Variants in GPR137C observed in about 807,000 individuals in gnomAD.
GPR137C encodes G protein-coupled receptor 137C, also known as integral membrane protein GPR137C.
GPR137C carries 27 observed loss-of-function variants against 43.4 expected under a neutral mutation model. The ratio of observed to expected loss-of-function variants is 0.62; its 90% confidence interval spans 0.46 to 0.86. The LOEUF is 0.86. Among genes scored for constraint, GPR137C ranks in the 40% least tolerant of loss-of-function variants. The pLI is 0.00. For synonymous variants in GPR137C, 285 were observed against 226.9 expected (o/e 1.26, Z -2.30); for missense variants, 522 against 534.6 (o/e 0.98, Z 0.23).
Position 52,633,485 on chromosome 14 carries a change from T to C in GPR137C, c.868-45T>C, listed in dbSNP as rs371645822. 4.3e-5 allele frequency: 68 copies of C among 1,580,510 alleles called. No individual in the cohort carries two copies. The Middle Eastern group carries it at 6.7e-4, about 16-fold the overall frequency. On this transcript the variant is annotated intron_variant, in intron 4 of 6. Coordinates refer to ENST00000321662, the MANE Select transcript of GPR137C (RefSeq NM_001099652.2). ...AGTTAACTGTGGAGGTGATTGCTTA[T>C]ACAATAAACAGATGTAAAAATTCTC...
At chr14:52,554,919 C>CA in intron 1 of GPR137C, among the ~76,000 whole-genome samples, 1 of 152,066 alleles carries the variant, frequency 6.6e-6, no homozygotes. Context: ...CCAAACAATA[C>CA]AATGACAAAA....
At chr14:52,562,929 CCTTT>C (rs1360137755) in intron 1 of GPR137C, among the ~76,000 whole-genome samples, 5 of 152,092 alleles carry the variant, frequency 3.3e-5, no homozygotes, top group African/African-American at 1.2e-4. Context: ...CTACCTAATA[CCTTT>C]CTTCATAATC....
intron 3 of GPR137C, among the ~76,000 whole-genome samples, chr14:52,615,641 T>C (rs992359328): frequency 4.6e-5 from 7 of 152,170 alleles, no homozygotes; most frequent in Non-Finnish European, 8.8e-5. Flanking sequence ...GTTCCTTTAA[T>C]CAGTGCTTTA....
intron 1 of GPR137C, among the ~76,000 whole-genome samples, chr14:52,565,136 C>T (rs547500161): frequency 1.3e-5 from 2 of 152,224 alleles, no homozygotes; most frequent in Non-Finnish European, 2.9e-5. Context: ...CAAGAGAAAT[C>T]ACAAATTTGA....
At chr14:52,623,671 A>ATAATATTTTTTCG in intron 3 of GPR137C, among the ~76,000 whole-genome samples, 1 of 151,924 alleles carries the variant, frequency 6.6e-6, no homozygotes, top group Non-Finnish European at 1.5e-5. Context: ...AAGAGGCTTC[A>ATAATATTTTTTCG]TAATATTTTC....
chr14:52,586,934 AAT>A (rs768301364), intron 1 of GPR137C, among the ~76,000 whole-genome samples: 72 of 152,166 alleles, frequency 4.7e-4, no homozygotes, highest in Non-Finnish European at 9.1e-4. Flanking sequence ...GCCCCACCGT[AAT>A]GCATTTTCTA....
chr14:52,617,770 C>T (rs993088152), intron 3 of GPR137C, among the ~76,000 whole-genome samples: 3 of 152,112 alleles, frequency 2.0e-5, no homozygotes, highest in African/African-American at 7.2e-5. Flanking sequence ...GGCTGTGTGA[C>T]CTTAGTCAAA....
chr14:52,629,803 T>G (rs1397673817), intron 3 of GPR137C, among the ~76,000 whole-genome samples: 1 of 152,214 alleles, frequency 6.6e-6, no homozygotes, highest in Non-Finnish European at 1.5e-5. Context: ...TAGGTTAAGG[T>G]GTCTGCATAT....
Position 52,600,225 on chromosome 14 carries a change from G to C in GPR137C, c.601G>C (p.Val201Leu), listed in dbSNP as rs920655118. The change falls in exon 3 of 7, where the codon GTG (valine) becomes CTG (leucine). Residue 201 changes from valine to leucine, a missense_variant. Physicochemically the swap from Val to Leu is conservative, Grantham distance 32. Coordinates refer to ENST00000321662, the MANE Select transcript of GPR137C (RefSeq NM_001099652.2). ...CCCAGAAAATCAGTTGAAGTGGACT[G>C]TGTTTGTTCGAGCATTAATTAATGA... is the stretch of plus-strand genomic sequence containing the variant. Reference protein sequence around the residue: ...DVPENQLKWTVFVRALINDSL... With the variant: ...DVPENQLKWTLFVRALINDSL... The C allele has an allele frequency of 3.1e-6, 5 of 1,613,464 alleles. No homozygotes were observed. The highest frequency in any genetic ancestry group is 4.2e-6 in the Non-Finnish European group (5 of 1,179,562).
chr14:52,590,471 AGT>A (rs2038768220), intron 1 of GPR137C, among the ~76,000 whole-genome samples: 1 of 152,208 alleles, frequency 6.6e-6, no homozygotes, highest in Non-Finnish European at 1.5e-5. Flanking sequence ...AGTCTACAGT[AGT>A]GTACAGTAAT....
intron 1 of GPR137C, among the ~76,000 whole-genome samples, chr14:52,557,705 C>T (rs1012323736): frequency 6.6e-6 from 1 of 152,134 alleles, no homozygotes; most frequent in African/African-American, 2.4e-5. Context: ...ATTTTCAAAG[C>T]ACTTTGTAAC....
intron 3 of GPR137C, among the ~76,000 whole-genome samples, chr14:52,624,296 T>A (rs915268928): frequency 4.0e-5 from 6 of 151,252 alleles, no homozygotes; most frequent in African/African-American, 1.2e-4. Flanking sequence ...TATCAAAATT[T>A]GTGGAATGCA....
At chr14:52,560,181 A>G (rs2139435159) in intron 1 of GPR137C, among the ~76,000 whole-genome samples, 1 of 152,296 alleles carries the variant, frequency 6.6e-6, no homozygotes, top group South Asian at 2.1e-4. Context: ...TACATGCAAT[A>G]GTGTCAAAAA....
intron 3 of GPR137C, among the ~76,000 whole-genome samples, chr14:52,617,339 GA>G (rs1284480919): frequency 2.0e-5 from 3 of 151,992 alleles, no homozygotes; most frequent in African/African-American, 7.3e-5. Flanking sequence ...ATATCAATTT[GA>G]AATTAATATG....
intron 3 of GPR137C, 104 bp downstream of exon 3, chr14:52,600,445 AT>A: frequency 1.6e-6 from 1 of 643,992 alleles, no homozygotes; most frequent in Non-Finnish European, 2.6e-6. Context: ...ATTTTATTTT[AT>A]TTTATTTTAT....
At chr14:52,586,324 T>G (rs1279440623) in intron 1 of GPR137C, among the ~76,000 whole-genome samples, 1 of 152,214 alleles carries the variant, frequency 6.6e-6, no homozygotes, top group Non-Finnish European at 1.5e-5. Context: ...TCTGTTAGCT[T>G]CAGATATCTC....
intron 1 of GPR137C, among the ~76,000 whole-genome samples, chr14:52,560,358 A>G (rs2038261894): frequency 6.6e-6 from 1 of 152,182 alleles, no homozygotes; most frequent in African/African-American, 2.4e-5. Flanking sequence ...TATAAATTCA[A>G]TGCAATTCCT....
intron 3 of GPR137C, among the ~76,000 whole-genome samples, chr14:52,619,858 A>G (rs2039140570): frequency 6.6e-6 from 1 of 152,034 alleles, no homozygotes; most frequent in Admixed American, 6.6e-5. Flanking sequence ...AATTAATTCT[A>G]CTTTGTTTTC....
At position 52,629,772 on chromosome 14, in the gene GPR137C, T is replaced by A. The variant is rs536272528; in HGVS notation, c.718-2388T>A. On this transcript the variant is annotated intron_variant, in intron 3 of 6. Transcript: ENST00000321662. The stretch of plus-strand genomic sequence containing the variant: ...ATTTGGGTTACATGTGTGTATACAT[T>A]TGTCAAAACTCAATGACTAGTAGGT... Among the ~76,000 whole-genome samples, 11 of 152,310 alleles carry A rather than the reference T, an allele frequency of 7.2e-5. No individual in the cohort carries two copies. The South Asian group carries it at 2.3e-3, about 32-fold the overall frequency.
Sources: gnomAD v4.1 joint callset for allele counts (sites outside exome capture counted in the v4.1 genomes callset) on GRCh38, gnomAD v4.1.1 for gene constraint, MANE v1.5 for transcripts, NCBI Gene and HGNC (gene_info 2026-07-23, HGNC 2026-07-21) for gene names.